MDFIC: variants seen among roughly 807,000 people sequenced by gnomAD.
The protein encoded by MDFIC is MyoD family inhibitor domain containing.
MDFIC carries 17 observed loss-of-function variants against 23.2 expected under a neutral mutation model. That is an observed-to-expected ratio of 0.73 (90% CI 0.50 to 1.10). The LOEUF is 1.10. MDFIC is among the 50% of genes least tolerant of loss of function. The probability of loss-of-function intolerance (pLI) is 0.00; values close to 1 mark genes in which losing one functional copy is unlikely to be tolerated. For synonymous variants in MDFIC, 120 were observed against 115.2 expected (o/e 1.04, Z -0.27); for missense variants, 356 against 316.6 (o/e 1.12, Z -0.95).
At chr7:114,938,004 G>A (rs1260403451) in intron 2 of MDFIC, among the ~76,000 whole-genome samples, 1 of 152,152 alleles carries the variant, frequency 6.6e-6, no homozygotes, top group Non-Finnish European at 1.5e-5. Flanking sequence ...TGCCCAGGCT[G>A]GAGTGCAGTG....
At chr7:115,003,748 T>C (rs1041883294) in intron 4 of MDFIC, among the ~76,000 whole-genome samples, 11 of 152,318 alleles carry the variant, frequency 7.2e-5, no homozygotes, top group African/African-American at 2.6e-4. Flanking sequence ...GAACAATCTT[T>C]GCTTTTATTT....
intron 4 of MDFIC, among the ~76,000 whole-genome samples, chr7:114,980,950 G>A (rs1003732507): frequency 6.6e-6 from 1 of 152,158 alleles, no homozygotes; most frequent in East Asian, 1.9e-4. Context: ...GATAATAAAT[G>A]GTCTGCATAG....
chr7:114,978,254 T>A (rs1793353651), intron 3 of MDFIC, among the ~76,000 whole-genome samples: 2 of 152,058 alleles, frequency 1.3e-5, no homozygotes, highest in Admixed American at 1.3e-4. Context: ...AAAAATTTCC[T>A]TGGTCTTTCT....
rs149663689 is a variant in MDFIC at position 114,960,395 on chromosome 7, C to G, written c.217+17998C>G. 2.0e-5 allele frequency among the ~76,000 whole-genome samples: 3 copies of G among 152,192 alleles called. No individual in the cohort carries two copies. The South Asian group carries it at 6.2e-4, about 32-fold the overall frequency. ...CAGAGAACCAGGGAGAAAAGTAGAG[C>G]TTGACCCCTGGATCCTCTCACTGAT... On this transcript the variant is annotated intron_variant, in intron 3 of 4. Coordinates refer to ENST00000393486, the MANE Select transcript of MDFIC (RefSeq NM_001166345.3).
chr7:115,010,936 C>A (rs1791669725), intron 4 of MDFIC, among the ~76,000 whole-genome samples: 2 of 152,140 alleles, frequency 1.3e-5, no homozygotes, highest in South Asian at 2.1e-4. Flanking sequence ...TTACTTTCAA[C>A]TTTTTATTAA....
chr7:114,966,968 G>C (rs962967251), intron 3 of MDFIC, among the ~76,000 whole-genome samples: 1 of 151,724 alleles, frequency 6.6e-6, no homozygotes, highest in African/African-American at 2.4e-5. Flanking sequence ...AAGGCGTATT[G>C]GATTTTTTTT....
rs746914612 is a variant in MDFIC, at chr7:115,015,703, G to C, written c.509G>C (p.Cys170Ser). The change falls in exon 5 of 5, where the codon TGT (cysteine) becomes TCT (serine). Residue 170 changes from cysteine to serine, a missense_variant. Cys to Ser is a moderately radical substitution (Grantham distance 112). Coordinates refer to ENST00000393486, the MANE Select transcript of MDFIC (RefSeq NM_001166345.3). Reference sequence around the variant, plus strand: ...GAAAATGAAGATTGTTGTGTCCACTGTATCCTGGCTTGCTTGTTCTGCGAA... The same window carrying C: ...GAAAATGAAGATTGTTGTGTCCACTCTATCCTGGCTTGCTTGTTCTGCGAA... ...GSSPEDCCVH[C>S]ILACLFCEFL... The C allele has an allele frequency of 1.9e-6, 3 of 1,614,056 alleles. No homozygotes were observed. The highest frequency in any genetic ancestry group is 2.2e-5 in the East Asian group (1 of 44,896).
intron 4 of MDFIC, among the ~76,000 whole-genome samples, chr7:114,986,101 A>G (rs768630658): frequency 2.0e-5 from 3 of 150,526 alleles, no homozygotes; most frequent in Non-Finnish European, 2.9e-5. Flanking sequence ...GGTTTTAGCC[A>G]TGTTGAGCTT....
intron 4 of MDFIC, among the ~76,000 whole-genome samples, chr7:115,007,622 G>A (rs202117382): frequency 0.013 from 773 of 58,814 alleles, 5 homozygotes; most frequent in Non-Finnish European, 0.021. Context: ...TCTAGTGTGC[G>A]TGTGTGTGTA....
At position 115,017,573 on chromosome 7, in the gene MDFIC, A is replaced by T. The variant is rs951600249; in HGVS notation, c.*1638A>T. ...TTTCTGTATTACGATTTTATGTTAA[A>T]TTAAACTAATATGGCAGGTTATAAT... On this transcript the variant is annotated 3_prime_UTR_variant, in exon 5 of 5. Transcript: ENST00000393486. The T allele has an allele frequency of 1.2e-4, 19 of 152,190 alleles. No individual in the cohort carries two copies. The highest frequency in any genetic ancestry group is 4.4e-4 in the African/African-American group (18 of 41,372). The allele number at this position is 152,190 out of a possible 1,614,324, so 9.4% of individuals were successfully genotyped here.
chr7:114,939,397 A>C (rs1792494460), intron 2 of MDFIC, among the ~76,000 whole-genome samples: 1 of 152,212 alleles, frequency 6.6e-6, no homozygotes, highest in Non-Finnish European at 1.5e-5. Context: ...ATAGTGAATT[A>C]ATAGTAATTG....
At chr7:114,994,084 A>G (rs903848895) in intron 4 of MDFIC, among the ~76,000 whole-genome samples, 3 of 152,038 alleles carry the variant, frequency 2.0e-5, no homozygotes, top group African/African-American at 7.2e-5. Flanking sequence ...TGTTGAATTG[A>G]TCCCTTTACC....
At chr7:114,951,407 C>T (rs73719541) in intron 3 of MDFIC, among the ~76,000 whole-genome samples, 4,701 of 151,956 alleles carry the variant, frequency 0.031, 231 homozygotes, top group African/African-American at 0.11. Flanking sequence ...AAAGAGTCTT[C>T]TCCATTTAGT....
At chr7:114,954,275 G>A (rs1029958810) in intron 3 of MDFIC, among the ~76,000 whole-genome samples, 12 of 152,060 alleles carry the variant, frequency 7.9e-5, no homozygotes, top group Non-Finnish European at 1.0e-4. Context: ...TGCTAATTAC[G>A]TTCTTTTCCC....
chr7:115,012,925 G>C (rs1411532104), intron 4 of MDFIC, among the ~76,000 whole-genome samples: 1 of 152,126 alleles, frequency 6.6e-6, no homozygotes, highest in Non-Finnish European at 1.5e-5. Context: ...GTTGCAATGA[G>C]CCAAGATCGC....
rs2116161246 is a variant in MDFIC at position 115,016,658 on chromosome 7, A to AAAT, written c.*726_*728dup. On this transcript the variant is annotated 3_prime_UTR_variant, in exon 5 of 5. Transcript: ENST00000393486. ...AGACTCCATCTCTAAATAAATAAAT[A>AAAT]AATAAATAAATAAATAAATAAATAA... 6.5e-6 allele frequency: 1 copy of AAAT among 154,266 alleles called. No homozygotes were observed. Among genetic ancestry groups the AAAT allele is most frequent in the South Asian group, 2.1e-4 (1 of 4,844 alleles). 9.6% of individuals were successfully genotyped at this position (154,266 alleles called of 1,614,324 possible).
At chr7:114,974,875 A>G (rs966597510) in intron 3 of MDFIC, among the ~76,000 whole-genome samples, 1 of 151,860 alleles carries the variant, frequency 6.6e-6, no homozygotes, top group African/African-American at 2.4e-5. Flanking sequence ...GTAACTATTC[A>G]TCATGGATAT....
chr7:114,923,569 G>T, intron 2 of MDFIC: 1 of 1,532,290 alleles, frequency 6.5e-7, no homozygotes, highest in Middle Eastern at 1.7e-4. Flanking sequence ...GATAATTCAG[G>T]TTTCTGTGAC....
At chr7:115,008,089 G>A (rs936909439) in intron 4 of MDFIC, among the ~76,000 whole-genome samples, 7 of 151,894 alleles carry the variant, frequency 4.6e-5, no homozygotes, top group South Asian at 2.1e-4. Flanking sequence ...TACTGGATTC[G>A]ATGTCTCTGA....
Sources: allele counts gnomAD v4.1 joint callset (sites outside exome capture counted in the v4.1 genomes callset), GRCh38; gene constraint gnomAD v4.1.1; transcripts MANE v1.5; gene names NCBI Gene and HGNC (gene_info 2026-07-23, HGNC 2026-07-21).